Variants in EIPR1 observed in about 807,000 individuals in gnomAD.
The protein encoded by EIPR1 is EARP complex and GARP complex interacting protein 1.
In EIPR1, 25 loss-of-function variants were observed where a neutral mutation model predicts 48.1. That is an observed-to-expected ratio of 0.52 (90% CI 0.38 to 0.73). EIPR1 has a LOEUF of 0.73. Ranked by LOEUF, EIPR1 falls within the 30% of genes least tolerant of loss-of-function variation. The pLI, the probability that EIPR1 is intolerant of heterozygous loss-of-function variation, is 0.00. For synonymous variants in EIPR1, 204 were observed against 201.9 expected (o/e 1.01, Z -0.09); for missense variants, 415 against 506.2 (o/e 0.82, Z 1.73).
intron 3 of EIPR1, among the ~76,000 whole-genome samples, chr2:3,331,087 T>G (rs1432985667): frequency 2.9e-5 from 4 of 137,114 alleles, no homozygotes; most frequent in East Asian, 4.5e-4. Context: ...ACTCATGAGA[T>G]GGTGTGAGCA....
intron 5 of EIPR1, chr2:3,209,077 A>T (rs1438345571): frequency 2.1e-6 from 3 of 1,417,864 alleles, no homozygotes; most frequent in Non-Finnish European, 2.8e-6. Context: ...GGCAGGGTGT[A>T]CACCCGTTCC....
intron 3 of EIPR1, among the ~76,000 whole-genome samples, chr2:3,265,723 G>A (rs1383056345): frequency 2.0e-5 from 3 of 152,156 alleles, no homozygotes; most frequent in Non-Finnish European, 4.4e-5. Flanking sequence ...TGTCTGTGCC[G>A]ACAGAAGTCA....
intron 4 of EIPR1, among the ~76,000 whole-genome samples, chr2:3,220,307 A>T (rs1454744153): frequency 6.6e-6 from 1 of 152,156 alleles, no homozygotes; most frequent in Non-Finnish European, 1.5e-5. Flanking sequence ...TATACACTAG[A>T]GCATTCACAG....
rs559765188 is a variant in EIPR1, at chr2:3,293,147, A to G, written c.260-35692T>C. Among the ~76,000 whole-genome samples the G allele has an allele frequency of 3.9e-5, 6 of 152,306 alleles. No individual in the cohort carries two copies. The East Asian group carries it at 9.6e-4, about 24-fold the overall frequency. On this transcript the variant is annotated intron_variant, in intron 3 of 8. Transcript: ENST00000382125. ...TCGACAAACTATCACCCTACAATCT[A>G]TAGCCTGGTGGCATGGCTTGCTCGG...
intron 3 of EIPR1, among the ~76,000 whole-genome samples, chr2:3,261,502 C>T (rs895056799): frequency 1.3e-4 from 20 of 152,156 alleles, no homozygotes; most frequent in Non-Finnish European, 2.6e-4. Context: ...GTGTACACTG[C>T]AATGATTACC....
intron 3 of EIPR1, among the ~76,000 whole-genome samples, chr2:3,311,816 G>T (rs563871221): frequency 7.1e-6 from 1 of 140,464 alleles, no homozygotes; most frequent in Non-Finnish European, 1.6e-5. Context: ...GGGCGGGGGG[G>T]CTCTACTCTG....
intron 1 of EIPR1, among the ~76,000 whole-genome samples, chr2:3,364,360 T>G (rs1558321544): frequency 6.6e-6 from 1 of 152,208 alleles, no homozygotes; most frequent in African/African-American, 2.4e-5. Flanking sequence ...CCATGGACAG[T>G]GGCTCATGCC....
intron 1 of EIPR1, among the ~76,000 whole-genome samples, chr2:3,364,584 G>A (rs13005968): frequency 0.066 from 9,984 of 151,386 alleles, 345 homozygotes; most frequent in African/African-American, 0.074. Context: ...GCAGTGAGCC[G>A]AGATTGTACC....
chr2:3,226,099 A>G (rs1463569406), intron 4 of EIPR1, among the ~76,000 whole-genome samples: 1 of 152,220 alleles, frequency 6.6e-6, no homozygotes, highest in Non-Finnish European at 1.5e-5. Flanking sequence ...TGCCTTTGAC[A>G]TGGAGGTGCA....
intron 5 of EIPR1, among the ~76,000 whole-genome samples, 176 bp from the exon 6 acceptor site, chr2:3,197,193 T>C (rs748336893): frequency 2.0e-5 from 3 of 152,236 alleles, no homozygotes; most frequent in African/African-American, 7.2e-5. Flanking sequence ...TGAACCTTAC[T>C]TGGGGAAATC....
intron 3 of EIPR1, 24 bp downstream of exon 3, chr2:3,337,993 G>A (rs1229181463): frequency 6.3e-7 from 1 of 1,578,430 alleles, no homozygotes; most frequent in Non-Finnish European, 8.6e-7. Context: ...CAGTTAGCAA[G>A]TACCTTAGAA....
At chr2:3,345,949 A>G (rs1191962678) in intron 2 of EIPR1, among the ~76,000 whole-genome samples, 5 of 149,900 alleles carry the variant, frequency 3.3e-5, no homozygotes, top group Admixed American at 2.0e-4. Flanking sequence ...TCCAGTGAAA[A>G]CCACCACCAC....
intron 1 of EIPR1, among the ~76,000 whole-genome samples, chr2:3,358,836 C>T (rs1474620982): frequency 3.3e-5 from 5 of 152,128 alleles, no homozygotes. Flanking sequence ...GACAAGAACC[C>T]CAAGATTTTC....
chr2:3,251,100 CA>C (rs1666989076), intron 4 of EIPR1, among the ~76,000 whole-genome samples: 1 of 152,154 alleles, frequency 6.6e-6, no homozygotes, highest in African/African-American at 2.4e-5. Context: ...TTGATAAAAG[CA>C]CCCCCAAGGG....
At chr2:3,335,293 T>C (rs1328501244) in intron 3 of EIPR1, among the ~76,000 whole-genome samples, 11 of 152,234 alleles carry the variant, frequency 7.2e-5, no homozygotes, top group Admixed American at 6.5e-4. Flanking sequence ...CAGTAACAAC[T>C]GCCTGAAATG....
At chr2:3,335,634 C>G (rs2324583) in intron 3 of EIPR1, among the ~76,000 whole-genome samples, 2,186 of 152,264 alleles carry the variant, frequency 0.014, 49 homozygotes, top group African/African-American at 0.05. Flanking sequence ...AATCTCATCT[C>G]GAATTGTAAT....
intron 3 of EIPR1, among the ~76,000 whole-genome samples, chr2:3,266,687 A>C (rs1347198474): frequency 6.6e-6 from 1 of 152,212 alleles, no homozygotes; most frequent in Non-Finnish European, 1.5e-5. Context: ...GGGGGTGCTG[A>C]GAAGTGGAGG....
intron 3 of EIPR1, among the ~76,000 whole-genome samples, chr2:3,259,287 T>TCC (rs34343370): frequency 1.1e-4 from 16 of 151,848 alleles, no homozygotes; most frequent in Admixed American, 3.3e-4. Context: ...TGGCAGACAC[T>TCC]CCCCCCCACA....
At chr2:3,374,940 T>C (rs1239921917) in intron 1 of EIPR1, among the ~76,000 whole-genome samples, 238 of 137,960 alleles carry the variant, frequency 1.7e-3, no homozygotes, top group Non-Finnish European at 2.7e-3. Flanking sequence ...CGTATGTTTA[T>C]TGCGGCACTA....
Sources: gnomAD v4.1 joint callset for allele counts (sites outside exome capture counted in the v4.1 genomes callset) on GRCh38, gnomAD v4.1.1 for gene constraint, MANE v1.5 for transcripts, NCBI Gene and HGNC (gene_info 2026-07-23, HGNC 2026-07-21) for gene names.